Variants in TTC7A observed in about 807,000 individuals in gnomAD.
TTC7A encodes tetratricopeptide repeat domain 7A.
Under a neutral mutation model 103.7 loss-of-function variants are expected in TTC7A, and 110 were observed. The ratio of observed to expected loss-of-function variants is 1.06; its 90% confidence interval spans 0.91 to 1.24. The LOEUF is 1.24. TTC7A is among the 50% of genes most tolerant of loss of function. The pLI is 0.00. For synonymous variants in TTC7A, 521 were observed against 467.9 expected (o/e 1.11, Z -1.47); for missense variants, 1,340 against 1,116.3 (o/e 1.20, Z -2.86).
chr2:46,951,078 A>G (rs1253808179), intron 2 of TTC7A, among the ~76,000 whole-genome samples: 2 of 152,300 alleles, frequency 1.3e-5, no homozygotes, highest in African/African-American at 4.8e-5. Context: ...AAACAGGCAA[A>G]CATGCAGAGT....
chr2:47,042,841 C>G (rs1341483181), intron 15 of TTC7A, among the ~76,000 whole-genome samples: 1 of 152,200 alleles, frequency 6.6e-6, no homozygotes, highest in Non-Finnish European at 1.5e-5. Context: ...TCTCAGAATC[C>G]TTTATTCAAG....
chr2:47,072,635 C>T (rs1206477947), intron 19 of TTC7A, among the ~76,000 whole-genome samples: 1 of 152,178 alleles, frequency 6.6e-6, no homozygotes, highest in African/African-American at 2.4e-5. Flanking sequence ...TAGAAGGCAG[C>T]TCCCCACCCC....
At chr2:46,932,101 C>T (rs1460345078) in intron 2 of TTC7A, among the ~76,000 whole-genome samples, 4 of 151,572 alleles carry the variant, frequency 2.6e-5, no homozygotes, top group Admixed American at 2.6e-4. Flanking sequence ...ATAGAAAAAA[C>T]TTCCTAAATC....
At chr2:47,033,616 A>G (rs1239666581) in intron 15 of TTC7A, among the ~76,000 whole-genome samples, 1 of 152,214 alleles carries the variant, frequency 6.6e-6, no homozygotes. Flanking sequence ...CACCTGCAGC[A>G]ACTTACTCCT....
chr2:47,030,832 C>T (rs988086301), intron 15 of TTC7A, among the ~76,000 whole-genome samples: 1 of 152,216 alleles, frequency 6.6e-6, no homozygotes, highest in Non-Finnish European at 1.5e-5. Flanking sequence ...GATTCTGAGC[C>T]TTGCCTCAGC....
At chr2:47,063,455 G>C (rs1683949712) in intron 19 of TTC7A, among the ~76,000 whole-genome samples, 1 of 152,180 alleles carries the variant, frequency 6.6e-6, no homozygotes, top group Non-Finnish European at 1.5e-5. Flanking sequence ...TTTTCAACGT[G>C]AAACAACATG....
chr2:47,011,076 G>A (rs1018920392), intron 10 of TTC7A, among the ~76,000 whole-genome samples: 9 of 152,242 alleles, frequency 5.9e-5, no homozygotes, highest in South Asian at 2.1e-4. Flanking sequence ...CCTTCCATTC[G>A]TTTTCATGTT....
intron 14 of TTC7A, among the ~76,000 whole-genome samples, chr2:47,027,449 T>C (rs1001448027): frequency 6.6e-6 from 1 of 152,260 alleles, no homozygotes; most frequent in African/African-American, 2.4e-5. Flanking sequence ...GCTAACTTGC[T>C]CTGCTGTGTG....
rs201163893 is a variant in TTC7A at position 46,956,923 on chromosome 2, G to T, written c.433G>T (p.Ala145Ser). The T allele has an allele frequency of 1.9e-6, 3 of 1,614,194 alleles. No homozygotes were observed. Among genetic ancestry groups the T allele is most frequent in the East Asian group, 2.2e-5 (1 of 44,884 alleles). Reference protein sequence around the residue: ...GSYRDAISMYARAGIDDMSME... With the variant: ...GSYRDAISMYSRAGIDDMSME... ...ATACCGAGATGCCATCAGCATGTAC[G>T]CACGGGCCGGGATTGATGACATGTC... Residue 145 changes from alanine to serine, a missense_variant, in exon 3 of 20, where the codon GCA (alanine) becomes TCA (serine). Coordinates refer to ENST00000319190, the MANE Select transcript of TTC7A (RefSeq NM_020458.4).
chr2:46,993,790 T>G (rs553894749), intron 6 of TTC7A, among the ~76,000 whole-genome samples: 81 of 152,296 alleles, frequency 5.3e-4, no homozygotes, highest in African/African-American at 1.8e-3. Flanking sequence ...GCAAACTGTG[T>G]TGACAAACTT....
At chr2:46,923,299 G>A (rs7575172) in intron 2 of TTC7A, among the ~76,000 whole-genome samples, 8,272 of 152,202 alleles carry the variant, frequency 0.054, 356 homozygotes, top group African/African-American at 0.11. Context: ...TTGGAGGTGG[G>A]GCTAAGAGTC....
chr2:47,054,339 A>C (rs865929708), intron 18 of TTC7A: 1 of 213,332 alleles, frequency 4.7e-6, no homozygotes, highest in Admixed American at 6.5e-5. Flanking sequence ...CATGTGGTCC[A>C]GGATGGCTCT....
At chr2:46,985,800 C>T (rs1674952809) in intron 5 of TTC7A, among the ~76,000 whole-genome samples, 1 of 152,220 alleles carries the variant, frequency 6.6e-6, no homozygotes, top group Non-Finnish European at 1.5e-5. Flanking sequence ...GTAGGTGAAT[C>T]ATCAGTTTCA....
chr2:47,071,005 TGG>T (rs1327123026), intron 19 of TTC7A: 2 of 152,160 alleles, frequency 1.3e-5, no homozygotes, highest in African/African-American at 4.8e-5. Flanking sequence ...TTGGGACATT[TGG>T]ATGAAATTGA....
intron 2 of TTC7A, among the ~76,000 whole-genome samples, chr2:46,919,753 A>G (rs1192621047): frequency 1.3e-5 from 2 of 152,194 alleles, no homozygotes; most frequent in Non-Finnish European, 2.9e-5. Context: ...CAAGTAGAGG[A>G]AAAAACAAGG....
chr2:46,923,084 T>C (rs1669190147), intron 2 of TTC7A, among the ~76,000 whole-genome samples: 1 of 152,242 alleles, frequency 6.6e-6, no homozygotes, highest in African/African-American at 2.4e-5. Flanking sequence ...TCTGTCCCCA[T>C]GGAGTTGGAG....
At position 47,023,611 on chromosome 2, in the gene TTC7A, G is replaced by C. The variant is rs1370593703; in HGVS notation, c.1568+146G>C. ...TGAGGGAACTGCACACAGCAAGCAG[G>C]GATAGGCGTTGGGGATTGGGCAGGC... On this transcript the variant is annotated intron_variant, in intron 13 of 19. Coordinates refer to ENST00000319190, the MANE Select transcript of TTC7A (RefSeq NM_020458.4). 4.4e-6 allele frequency: 4 copies of C among 905,228 alleles called. No individual in the cohort carries two copies. In the African/African-American group the frequency reaches 5.0e-5, roughly 11 times the overall value. 56.1% of individuals were successfully genotyped at this position (905,228 alleles called of 1,614,324 possible).
At chr2:46,991,168 G>C (rs923548755) in intron 5 of TTC7A, among the ~76,000 whole-genome samples, 5 of 151,790 alleles carry the variant, frequency 3.3e-5, no homozygotes, top group Non-Finnish European at 5.9e-5. Context: ...CGCCAGCCTC[G>C]GCCTCCCAAA....
At chr2:47,012,332 A>G (rs1219268338) in intron 11 of TTC7A, among the ~76,000 whole-genome samples, 7 of 152,190 alleles carry the variant, frequency 4.6e-5, no homozygotes, top group African/African-American at 1.2e-4. Context: ...GAGCAAGCGC[A>G]TTCTCCCTCC....
Sources: gnomAD v4.1 joint callset for allele counts (sites outside exome capture counted in the v4.1 genomes callset) on GRCh38, gnomAD v4.1.1 for gene constraint, MANE v1.5 for transcripts, NCBI Gene and HGNC (gene_info 2026-07-23, HGNC 2026-07-21) for gene names.